PEBP4: variants seen among roughly 807,000 people sequenced by gnomAD.
PEBP4 encodes the protein phosphatidylethanolamine-binding protein 4.
In PEBP4, 22 loss-of-function variants were observed where a neutral mutation model predicts 23.9. The ratio of observed to expected loss-of-function variants is 0.92; its 90% CI spans 0.66 to 1.31. PEBP4 has a LOEUF of 1.31. Ranked by LOEUF, PEBP4 falls within the 40% of genes most tolerant of loss-of-function variation. The pLI is 0.00. For synonymous variants in PEBP4, 112 were observed against 99.3 expected (o/e 1.13, Z -0.76); for missense variants, 324 against 281.7 (o/e 1.15, Z -1.07).
intron 3 of PEBP4, chr8:22,895,343 G>T (rs1178691805): frequency 6.6e-6 from 1 of 152,116 alleles, no homozygotes; most frequent in African/African-American, 2.4e-5. Flanking sequence ...ATGTTGGGGT[G>T]GGCTTACACA....
At chr8:22,885,152 T>G (rs1343119531) in intron 3 of PEBP4, 1 of 152,190 alleles carries the variant, frequency 6.6e-6, no homozygotes, top group African/African-American at 2.4e-5. Context: ...CCCCAGGAGA[T>G]GAACACCGTC....
At chr8:22,730,102 T>C (rs557809497) in intron 4 of PEBP4, among the ~76,000 whole-genome samples, 2 of 152,324 alleles carry the variant, frequency 1.3e-5, no homozygotes, top group East Asian at 3.9e-4. Flanking sequence ...GTGCTCTTTC[T>C]GTGACATCAT....
At chr8:22,925,220 T>C (rs1412763469) in intron 2 of PEBP4, 1 of 985,392 alleles carries the variant, frequency 1.0e-6, no homozygotes, top group Non-Finnish European at 1.2e-6. Flanking sequence ...TCAAAAGACA[T>C]CTTCCTGGCA....
At chr8:22,832,947 C>T (rs527872208) in intron 3 of PEBP4, among the ~76,000 whole-genome samples, 2 of 151,998 alleles carry the variant, frequency 1.3e-5, no homozygotes, top group Non-Finnish European at 2.9e-5. Context: ...TTTGACCAGA[C>T]ACTGGACAAC....
At chr8:22,738,342 G>A (rs1031168077) in intron 4 of PEBP4, among the ~76,000 whole-genome samples, 2 of 152,228 alleles carry the variant, frequency 1.3e-5, no homozygotes, top group African/African-American at 4.8e-5. Flanking sequence ...TGTCCAGGAG[G>A]TGGGGGCTCT....
At chr8:22,791,255 A>G (rs1460168404) in intron 4 of PEBP4, among the ~76,000 whole-genome samples, 2 of 152,126 alleles carry the variant, frequency 1.3e-5, no homozygotes, top group African/African-American at 4.8e-5. Context: ...AGAAGGGAGC[A>G]GCCTCAGAGC....
chr8:22,828,000 T>C (rs1047063253), intron 3 of PEBP4, among the ~76,000 whole-genome samples: 3 of 152,230 alleles, frequency 2.0e-5, no homozygotes, highest in Non-Finnish European at 4.4e-5. Flanking sequence ...CATGTCCTTA[T>C]TGACTATTTT....
chr8:22,827,319 G>A (rs946591093), intron 3 of PEBP4, among the ~76,000 whole-genome samples: 3 of 152,044 alleles, frequency 2.0e-5, no homozygotes, highest in Non-Finnish European at 2.9e-5. Flanking sequence ...GTTGCGCAAC[G>A]ATCACCATAA....
At chr8:22,839,865 T>C (rs1807288059) in intron 3 of PEBP4, among the ~76,000 whole-genome samples, 1 of 151,382 alleles carries the variant, frequency 6.6e-6, no homozygotes, top group East Asian at 1.9e-4. Flanking sequence ...CAAACCCCAA[T>C]TGGAATGGCT....
chr8:22,713,486 C>T lies in PEBP4; in HGVS notation c.568G>A (p.Glu190Lys). 1 of 1,614,132 alleles carries T rather than the reference C, an allele frequency of 6.2e-7. No individual in the cohort carries two copies. The change falls in exon 7 of 7, where the codon GAA becomes AAA. Residue 190 changes from glutamate to lysine, a missense_variant. By Grantham distance (56) the Glu-to-Lys change is moderately conservative. Transcript: ENST00000256404. ...TGGGTCATGAACTGGGTGCTTGCTTCAGGTTCGCCCAGGTGGAAACGGTTC... is the reference window on the plus strand; with the variant it reads ...TGGGTCATGAACTGGGTGCTTGCTTTAGGTTCGCCCAGGTGGAAACGGTTC... ...FLNRFHLGEP[E>K]ASTQFMTQNY...
chr8:22,830,488 A>T (rs527912952), intron 3 of PEBP4, among the ~76,000 whole-genome samples: 8 of 152,236 alleles, frequency 5.3e-5, no homozygotes, highest in African/African-American at 1.9e-4. Flanking sequence ...ACTCAGGAAC[A>T]TCAACCCACA....
chr8:22,734,396 G>A (rs1563198244), intron 4 of PEBP4, among the ~76,000 whole-genome samples: 1 of 152,210 alleles, frequency 6.6e-6, no homozygotes. Flanking sequence ...GCAGATCTGA[G>A]CCCTCCTGGG....
intron 4 of PEBP4, among the ~76,000 whole-genome samples, chr8:22,765,124 C>CCTTG (rs34800328): frequency 2.7e-5 from 4 of 150,800 alleles, no homozygotes; most frequent in Non-Finnish European, 5.9e-5. Context: ...TTTCTTCCTT[C>CCTTG]CTTCCTTCCT....
rs1585315060 is a variant in PEBP4 at position 22,868,257 on chromosome 8, A to G, written c.259-50522T>C. Among the ~76,000 whole-genome samples the G allele has an allele frequency of 2.6e-5, 4 of 152,286 alleles. 1 individual carries two copies. In the Middle Eastern group the frequency reaches 0.01, roughly 388 times the overall value. On this transcript the variant is annotated intron_variant, in intron 3 of 6. Transcript: ENST00000256404. ...TTTTCTCTTCTTACTGCTTTTTAGT[A>G]GTGAGCAGTCAAGGTGTTTGGGGAT...
upstream of PEBP4, among the ~76,000 whole-genome samples, chr8:22,929,449 G>A (rs946528086): frequency 2.0e-5 from 3 of 152,240 alleles, no homozygotes; most frequent in African/African-American, 7.2e-5. Context: ...CCTGGAAGAA[G>A]GGAGAGCCCA....
At chr8:22,784,245 G>T (rs534421035) in intron 4 of PEBP4, among the ~76,000 whole-genome samples, 1 of 152,154 alleles carries the variant, frequency 6.6e-6, no homozygotes, top group South Asian at 2.1e-4. Context: ...AAGTGGAGAG[G>T]GTGTCAGGGT....
chr8:22,931,515 T>C (rs192132135), upstream of PEBP4, among the ~76,000 whole-genome samples: 5 of 152,312 alleles, frequency 3.3e-5, no homozygotes, highest in East Asian at 7.7e-4. Context: ...CCATGACCAC[T>C]TTCTTGGACA....
At chr8:22,820,927 C>G (rs1806844711) in intron 3 of PEBP4, among the ~76,000 whole-genome samples, 1 of 152,230 alleles carries the variant, frequency 6.6e-6, no homozygotes, top group Admixed American at 6.5e-5. Flanking sequence ...GGCATGGTGG[C>G]TCACATCCGT....
intron 3 of PEBP4, chr8:22,878,223 G>GGAGA (rs1257905833): frequency 6.7e-6 from 1 of 149,616 alleles, no homozygotes; most frequent in Non-Finnish European, 1.5e-5. Flanking sequence ...AGAGGGAGGG[G>GGAGA]GAGAGGGAGG....
Sources: gnomAD v4.1 joint callset for allele counts (sites outside exome capture counted in the v4.1 genomes callset) on GRCh38, gnomAD v4.1.1 for gene constraint, MANE v1.5 for transcripts, NCBI Gene and HGNC (gene_info 2026-07-23, HGNC 2026-07-21) for gene names.